The following UBE4B variants were observed in gnomAD, a reference collection of about 807,000 sequenced individuals.
UBE4B encodes ubiquitin conjugation factor E4 B.
UBE4B carries 27 observed loss-of-function variants against 148.1 expected under a neutral mutation model. The observed-to-expected ratio is 0.18, with a 90% CI of 0.13 to 0.25. The LOEUF (loss-of-function observed/expected upper bound fraction) is 0.25. Ranked by LOEUF, UBE4B falls within the 10% of genes least tolerant of loss-of-function variation. The probability of loss-of-function intolerance (pLI) is 1.00; values close to 1 mark genes in which losing one functional copy is unlikely to be tolerated. For synonymous variants in UBE4B, 596 were observed against 619.3 expected, an observed-to-expected ratio of 0.96 and a Z score of 0.56; for missense variants, 1,170 against 1,662.4, an observed-to-expected ratio of 0.70 and a Z score of 5.15.
Position 10,095,540 on chromosome 1 carries a change from T to C in UBE4B, c.291T>C (p.Ser97=). The C allele has an allele frequency of 6.2e-7, 1 of 1,614,150 alleles. No homozygotes were observed. The highest frequency in any genetic ancestry group is 8.5e-7 in the Non-Finnish European group (1 of 1,180,036). The change falls in exon 3 of 28, where the codon TCT becomes TCC. Residue 97 remains serine, a synonymous_variant. Transcript: ENST00000343090. The stretch of plus-strand genomic sequence containing the variant: ...CCTCTAATAGCCTTGAAACGCAATC[T>C]CAGTCTCTCTCACGTTCCCAGAGCA... ...SSPSNSLETQ[S]QSLSRSQSMD...
chr1:10,176,694 G>A (rs1646433128), intron 25 of UBE4B, among the ~76,000 whole-genome samples: 1 of 151,808 alleles, frequency 6.6e-6, no homozygotes, highest in African/African-American at 2.4e-5. Flanking sequence ...ATTTTCTTGG[G>A]AGCAATGTCT....
intron 9 of UBE4B, among the ~76,000 whole-genome samples, chr1:10,121,364 A>G (rs1645407508): frequency 6.6e-6 from 1 of 152,138 alleles, no homozygotes; most frequent in Admixed American, 6.6e-5. Context: ...CTAAAAAACA[A>G]CAAACAACAA....
At chr1:10,071,702 ATG>A (rs1644488730) in intron 1 of UBE4B, among the ~76,000 whole-genome samples, 1 of 152,292 alleles carries the variant, frequency 6.6e-6, no homozygotes, top group East Asian at 1.9e-4. Flanking sequence ...GTATTTATGT[ATG>A]TATGAATTAG....
intron 16 of UBE4B, 28 bp from the exon 17 acceptor site, chr1:10,137,039 A>G (rs1015157624): frequency 4.3e-6 from 7 of 1,613,408 alleles, no homozygotes; most frequent in Non-Finnish European, 5.9e-6. Flanking sequence ...AATAGATTTT[A>G]TTTAGGGAAT....
chr1:10,129,970 A>G (rs1329308762), intron 12 of UBE4B, among the ~76,000 whole-genome samples: 1 of 151,360 alleles, frequency 6.6e-6, no homozygotes, highest in Non-Finnish European at 1.5e-5. Context: ...TTCCCTTGAC[A>G]AGTATTGTAC....
chr1:10,140,587 T>A (rs1469796808), intron 17 of UBE4B, among the ~76,000 whole-genome samples: 3 of 152,200 alleles, frequency 2.0e-5, no homozygotes, highest in Non-Finnish European at 4.4e-5. Context: ...TCCGATGGAT[T>A]ACCTCCTGGG....
intron 17 of UBE4B, among the ~76,000 whole-genome samples, chr1:10,140,708 G>A (rs529566302): frequency 2.6e-5 from 4 of 152,262 alleles, no homozygotes; most frequent in East Asian, 1.9e-4. Flanking sequence ...AGACATTTAT[G>A]TTCACCTCAT....
intron 15 of UBE4B, 73 bp downstream of exon 15, chr1:10,132,555 C>T: frequency 7.6e-7 from 1 of 1,322,860 alleles, no homozygotes; most frequent in Non-Finnish European, 1.1e-6. Context: ...TCAGCACCTA[C>T]CAGGCACTGT....
intron 23 of UBE4B, chr1:10,163,361 C>G (rs1045382537): frequency 6.6e-6 from 1 of 152,200 alleles, no homozygotes; most frequent in Non-Finnish European, 1.5e-5. Context: ...ATTCATAAAG[C>G]ATTCCATCCT....
At position 10,130,619 on chromosome 1, in the gene UBE4B, A is replaced by G. The variant is rs1570946348; in HGVS notation, c.1812+3A>G. The G allele has an allele frequency of 1.2e-6, 2 of 1,613,876 alleles. No homozygotes were observed. Among genetic ancestry groups the G allele is most frequent in the East Asian group, 2.2e-5 (1 of 44,884 alleles). On this transcript the variant is annotated splice_donor_region_variant and intron_variant, in intron 13 of 27. Coordinates refer to ENST00000343090, the MANE Select transcript of UBE4B (RefSeq NM_001105562.3). ...TCTCAGTCTTTGCAGAAGATGATGT[A>G]AGTATAGTGGCTACTTGTACTTTGC... is the stretch of plus-strand genomic sequence containing the variant.
At chr1:10,054,449 G>A in intron 1 of UBE4B, 1 of 396,742 alleles carries the variant, frequency 2.5e-6, no homozygotes, top group Non-Finnish European at 4.9e-6. Flanking sequence ...CTTATGCCAT[G>A]AATTCATAGG....
At chr1:10,148,018 G>C (rs1481447336) in intron 19 of UBE4B, among the ~76,000 whole-genome samples, 4 of 152,074 alleles carry the variant, frequency 2.6e-5, no homozygotes, top group Non-Finnish European at 4.4e-5. Flanking sequence ...ACATGGTCAG[G>C]AGATCGAGAC....
chr1:10,142,780 AC>A (rs1645803996), intron 17 of UBE4B, among the ~76,000 whole-genome samples: 1 of 151,154 alleles, frequency 6.6e-6, no homozygotes, highest in South Asian at 2.1e-4. Context: ...ATCACCCCCC[AC>A]CCCACCCCAC....
intron 1 of UBE4B, among the ~76,000 whole-genome samples, chr1:10,038,386 G>T (rs1643624740): frequency 6.6e-6 from 1 of 152,086 alleles, no homozygotes; most frequent in Admixed American, 6.5e-5. Context: ...GAAGAAAATT[G>T]ACATTAAACA....
At chr1:10,057,966 A>G (rs1644208180) in intron 1 of UBE4B, among the ~76,000 whole-genome samples, 1 of 152,110 alleles carries the variant, frequency 6.6e-6, no homozygotes, top group East Asian at 1.9e-4. Flanking sequence ...GGACTGTCGG[A>G]TGTGGGGTGA....
intron 25 of UBE4B, among the ~76,000 whole-genome samples, chr1:10,173,002 C>T (rs1159604023): frequency 6.6e-6 from 1 of 152,174 alleles, no homozygotes; most frequent in African/African-American, 2.4e-5. Context: ...AGAGCCTCGA[C>T]GTGGTGTAGG....
chr1:10,038,124 T>C (rs1354808407), intron 1 of UBE4B, among the ~76,000 whole-genome samples: 5 of 151,686 alleles, frequency 3.3e-5, no homozygotes, highest in African/African-American at 1.2e-4. Flanking sequence ...CTACTAAAAA[T>C]ACAAAATTAG....
Position 10,154,398 on chromosome 1 carries a change from G to A in UBE4B, c.2926+2837G>A, listed in dbSNP as rs1401443379. Among the ~76,000 whole-genome samples the A allele has an allele frequency of 2.0e-5, 3 of 152,150 alleles. No homozygotes were observed. The East Asian group carries it at 5.8e-4, about 29-fold the overall frequency. On this transcript the variant is annotated intron_variant, in intron 21 of 27. Coordinates refer to ENST00000343090, the MANE Select transcript of UBE4B (RefSeq NM_001105562.3). ...TAAAAAAATTTTAAAAAAAAAGAGTGGATTTGGAGCTACGAGACAACAGCT... is the reference window on the plus strand; with the variant it reads ...TAAAAAAATTTTAAAAAAAAAGAGTAGATTTGGAGCTACGAGACAACAGCT...
intron 1 of UBE4B, among the ~76,000 whole-genome samples, chr1:10,035,190 G>T (rs1643459155): frequency 6.6e-6 from 1 of 150,966 alleles, no homozygotes; most frequent in African/African-American, 2.4e-5. Flanking sequence ...GTAGAGATGG[G>T]GTTTCACCAT....
Sources: gnomAD v4.1 joint callset for allele counts (sites outside exome capture counted in the v4.1 genomes callset) on GRCh38, gnomAD v4.1.1 for gene constraint, MANE v1.5 for transcripts, NCBI Gene and HGNC (gene_info 2026-07-23, HGNC 2026-07-21) for gene names.